Variants in MSTO1 observed in about 807,000 individuals in gnomAD.
The protein encoded by MSTO1 is misato mitochondrial distribution and morphology regulator 1.
In MSTO1, 24 loss-of-function variants were observed where a neutral mutation model predicts 55.7. That is an observed-to-expected ratio of 0.43 (90% CI 0.31 to 0.61). The LOEUF (loss-of-function observed/expected upper bound fraction) is 0.61, where lower values mean the gene tolerates loss of function less well. Among genes scored for constraint, MSTO1 ranks in the 20% least tolerant of loss-of-function variants. The pLI, the probability that MSTO1 is intolerant of heterozygous loss-of-function variation, is 0.09. For synonymous variants in MSTO1, 162 were observed against 252.8 expected (o/e 0.64, Z 3.41); for missense variants, 363 against 625.7 (o/e 0.58, Z 4.48).
chr1:155,573,067 A>G, the MSTO1 span, among the ~76,000 whole-genome samples: 1 of 152,200 alleles, frequency 6.6e-6, no homozygotes, highest in African/African-American at 2.4e-5. Flanking sequence ...TGAATGTTTA[A>G]TTGGTTGAAT....
chr1:155,611,427 G>T, intron 4 of MSTO1, 122 bp from the exon 5 acceptor site: 5 of 1,600,474 alleles, frequency 3.1e-6, no homozygotes, highest in Non-Finnish European at 3.4e-6. Flanking sequence ...TTTTCCTAAG[G>T]ACTGCGACTC....
the MSTO1 span, among the ~76,000 whole-genome samples, chr1:155,567,413 G>A: frequency 2.0e-5 from 3 of 150,260 alleles, no homozygotes; most frequent in Non-Finnish European, 4.4e-5. Flanking sequence ...ACGGGTTCAC[G>A]CCATTCTCCT....
the MSTO1 span, among the ~76,000 whole-genome samples, chr1:155,601,890 G>A: frequency 6.6e-6 from 1 of 151,982 alleles, no homozygotes; most frequent in Non-Finnish European, 1.5e-5. Context: ...AAGTAGCTGG[G>A]ACTACAGGCG....
At chr1:155,608,593 G>A (rs1361123390), upstream of MSTO1, among the ~76,000 whole-genome samples, 1 of 140,344 alleles carries the variant, frequency 7.1e-6, no homozygotes, top group Admixed American at 7.6e-5. Flanking sequence ...TCCGCCTCCC[G>A]GGTTCACGCC....
At position 155,614,945 on chromosome 1, in the gene MSTO1, T is replaced by G; in HGVS notation, c.*672T>G. 9.2e-7 allele frequency: 1 copy of G among 1,082,684 alleles called. No individual in the cohort carries two copies. The highest frequency in any genetic ancestry group is 1.4e-6 in the Non-Finnish European group (1 of 719,606). 67.1% of individuals were successfully genotyped at this position (1,082,684 alleles called of 1,614,324 possible). A position where few individuals can be genotyped will look rare whatever the true frequency, so the allele number is the denominator to read the frequency against. ...ATTTATGAAGCACTATATATTGATT[T>G]GCAAAATCTTTTGTTTATTCCACAC... On this transcript the variant is annotated 3_prime_UTR_variant, in exon 14 of 14. Coordinates refer to ENST00000245564, the MANE Select transcript of MSTO1 (RefSeq NM_018116.4).
At chr1:155,589,519 C>CA in the MSTO1 span, among the ~76,000 whole-genome samples, 1 of 152,018 alleles carries the variant, frequency 6.6e-6, no homozygotes, top group Non-Finnish European at 1.5e-5. Flanking sequence ...CGAAGTCCCA[C>CA]AGTAGGCCGT....
chr1:155,563,553 A>G, the MSTO1 span: 1 of 456,366 alleles, frequency 2.2e-6, no homozygotes, highest in Non-Finnish European at 4.4e-6. Flanking sequence ...ACCACTGTCC[A>G]TATGCGATGA....
chr1:155,581,896 C>A, the MSTO1 span, among the ~76,000 whole-genome samples: 39 of 150,268 alleles, frequency 2.6e-4, no homozygotes, highest in African/African-American at 9.1e-4. Context: ...CCGGTGCAAG[C>A]GATTCTCCTG....
At chr1:155,567,842 C>A in the MSTO1 span, among the ~76,000 whole-genome samples, 1 of 151,256 alleles carries the variant, frequency 6.6e-6, no homozygotes, top group Non-Finnish European at 1.5e-5. Flanking sequence ...CGAGACCAGC[C>A]TGGCCAACAT....
the MSTO1 span, among the ~76,000 whole-genome samples, chr1:155,585,350 C>T: frequency 2.6e-5 from 4 of 151,914 alleles, no homozygotes; most frequent in Admixed American, 6.6e-5. Context: ...GGTGAAACCC[C>T]GTCTCTACTA....
chr1:155,565,703 T>C, the MSTO1 span, among the ~76,000 whole-genome samples: 1 of 152,224 alleles, frequency 6.6e-6, no homozygotes, highest in Non-Finnish European at 1.5e-5. Flanking sequence ...AAAATAAGTT[T>C]CATTAACTAC....
chr1:155,574,756 T>G, the MSTO1 span, among the ~76,000 whole-genome samples: 4 of 152,066 alleles, frequency 2.6e-5, no homozygotes, highest in African/African-American at 7.2e-5. Context: ...GTAGTAGAGA[T>G]AAGGTTTTCC....
At chr1:155,600,998 T>TA in the MSTO1 span, among the ~76,000 whole-genome samples, 1 of 144,650 alleles carries the variant, frequency 6.9e-6, no homozygotes, top group African/African-American at 2.7e-5. Flanking sequence ...TTTTTTTTTT[T>TA]AAATAGAGAT....
upstream of MSTO1, among the ~76,000 whole-genome samples, chr1:155,607,465 C>T (rs116331129): frequency 0.015 from 2,280 of 152,262 alleles, 51 homozygotes; most frequent in African/African-American, 0.052. Flanking sequence ...TGAGCCACCG[C>T]GCCTAGCCGA....
rs149058840 is a variant in MSTO1, at chr1:155,612,535, G to A, written c.931G>A (p.Glu311Lys). 6.6e-5 allele frequency: 107 copies of A among 1,613,144 alleles called. No individual in the cohort carries two copies. In the African/African-American group the frequency reaches 1.1e-3, roughly 16 times the overall value. Reference protein sequence around the residue: ...SLGGSLGLRPEPPVSFPYLHY... With the variant: ...SLGGSLGLRPKPPVSFPYLHY... ...GGGTGGGAGCCTGGGCCTGCGACCCGAGCCACCTGTCAGCTTCCCTTACCT... is the reference window on the plus strand; with the variant it reads ...GGGTGGGAGCCTGGGCCTGCGACCCAAGCCACCTGTCAGCTTCCCTTACCT... Residue 311 changes from glutamate to lysine, a missense_variant, in exon 9 of 14, where the codon GAG (glutamate) becomes AAG (lysine). Physicochemically the swap from Glu to Lys is moderately conservative, Grantham distance 56 (BLOSUM62 1). This residue lies in a region of MSTO1 where 231 missense variants were observed against 286.9 expected (regional missense o/e 0.81). Transcript: ENST00000245564.
At chr1:155,582,752 C>T in the MSTO1 span, among the ~76,000 whole-genome samples, 2 of 152,112 alleles carry the variant, frequency 1.3e-5, no homozygotes, top group Non-Finnish European at 2.9e-5. Context: ...AGCCACCGCG[C>T]CCGGCCGGCT....
upstream of MSTO1, among the ~76,000 whole-genome samples, chr1:155,609,238 TA>T (rs1276042055): frequency 0.46 from 30,105 of 65,612 alleles, 7,443 homozygotes; most frequent in Non-Finnish European, 0.55. Flanking sequence ...TATATATATA[TA>T]TATATTTTTT....
At chr1:155,565,457 T>G in the MSTO1 span, among the ~76,000 whole-genome samples, 1 of 152,198 alleles carries the variant, frequency 6.6e-6, no homozygotes, top group African/African-American at 2.4e-5. Flanking sequence ...GTAGATAATC[T>G]TACCCTCATT....
At chr1:155,604,909 A>G in the MSTO1 span, among the ~76,000 whole-genome samples, 1 of 152,122 alleles carries the variant, frequency 6.6e-6, no homozygotes, top group Non-Finnish European at 1.5e-5. Flanking sequence ...AAAAATATTA[A>G]AATTGATAAA....
Sources: gnomAD v4.1 joint callset for allele counts (sites outside exome capture counted in the v4.1 genomes callset) on GRCh38, gnomAD v4.1.1 for gene constraint, gnomAD v4.1.1 regional missense constraint, MANE v1.5 for transcripts, NCBI Gene and HGNC (gene_info 2026-07-23, HGNC 2026-07-21) for gene names.